The following NETO2 variants were observed in gnomAD, a reference collection of about 807,000 sequenced individuals.
NETO2 encodes the protein neuropilin and tolloid-like protein 2.
Under a neutral mutation model 62.5 loss-of-function variants are expected in NETO2, and 28 were observed. The ratio of observed to expected loss-of-function variants is 0.45; its 90% CI spans 0.33 to 0.61. The LOEUF (loss-of-function observed/expected upper bound fraction) is 0.61. Among genes scored for constraint, NETO2 ranks in the 20% least tolerant of loss-of-function variants. The pLI, the probability that NETO2 is intolerant of heterozygous loss-of-function variation, is 0.02. For missense variants in NETO2, 548 were observed against 643.2 expected (o/e 0.85, Z 1.60); for synonymous variants, 214 against 219.1 (o/e 0.98, Z 0.21).
intron 7 of NETO2, among the ~76,000 whole-genome samples, chr16:47,101,985 A>G (rs1456962373): frequency 6.6e-6 from 1 of 152,248 alleles, no homozygotes; most frequent in Non-Finnish European, 1.5e-5. Context: ...GACAATCCTA[A>G]GCAAAAAGAA....
intron 6 of NETO2, among the ~76,000 whole-genome samples, chr16:47,116,962 C>T (rs1963935851): frequency 6.6e-6 from 1 of 152,176 alleles, no homozygotes; most frequent in Non-Finnish European, 1.5e-5. Context: ...ATAGAATTCT[C>T]TCTTTCATTC....
At chr16:47,087,129 A>T (rs1963209096) in intron 7 of NETO2, among the ~76,000 whole-genome samples, 2 of 151,824 alleles carry the variant, frequency 1.3e-5, no homozygotes, top group African/African-American at 4.8e-5. Flanking sequence ...CCTGGGTTCA[A>T]GTGATTCTCC....
At chr16:47,123,573 T>G (rs7194502) in intron 4 of NETO2, among the ~76,000 whole-genome samples, 3,091 of 152,274 alleles carry the variant, frequency 0.02, 105 homozygotes, top group African/African-American at 0.07. Context: ...TTTTAGAAAT[T>G]ATAAACACAG....
intron 7 of NETO2, among the ~76,000 whole-genome samples, chr16:47,100,643 T>C (rs1051297483): frequency 1.3e-4 from 19 of 151,980 alleles, no homozygotes; most frequent in Non-Finnish European, 1.8e-4. Context: ...CCCACAGAAA[T>C]AGAAATTACC....
intron 6 of NETO2, among the ~76,000 whole-genome samples, chr16:47,118,125 G>GT (rs1963958793): frequency 6.6e-6 from 1 of 152,018 alleles, no homozygotes; most frequent in Admixed American, 6.6e-5. Context: ...GGAGAATGTC[G>GT]TTTTTTGTTA....
Position 47,079,893 on chromosome 16 carries a change from C to T in NETO2, c.*3328G>A, listed in dbSNP as rs1265264412. ...AATTATTCCTGAAATCACAACCAGG[C>T]TTCTCCCGTCCCCTCTCATCAGTGA... On this transcript the variant is annotated 3_prime_UTR_variant, in exon 9 of 9. Coordinates refer to ENST00000562435, the MANE Select transcript of NETO2 (RefSeq NM_018092.5). 2 of 152,198 alleles carry T rather than the reference C, an allele frequency of 1.3e-5. No individual in the cohort carries two copies. The highest frequency in any genetic ancestry group is 6.5e-5 in the Admixed American group (1 of 15,286). The allele number at this position is 152,198 out of a possible 1,614,324, so 9.4% of individuals were successfully genotyped here. A position where few individuals can be genotyped will look rare whatever the true frequency, so the allele number is the denominator to read the frequency against.
chr16:47,107,112 T>C (rs1425124067), intron 7 of NETO2, among the ~76,000 whole-genome samples: 1 of 152,036 alleles, frequency 6.6e-6, no homozygotes, highest in African/African-American at 2.4e-5. Context: ...AAACATAAAG[T>C]GTAAAAGAAT....
At chr16:47,125,566 A>T (rs1964140677) in intron 4 of NETO2, among the ~76,000 whole-genome samples, 1 of 152,142 alleles carries the variant, frequency 6.6e-6, no homozygotes, top group Non-Finnish European at 1.5e-5. Flanking sequence ...GGCTGATCTC[A>T]AACTCCTGAC....
intron 7 of NETO2, among the ~76,000 whole-genome samples, chr16:47,105,266 C>T (rs952567747): frequency 6.6e-6 from 1 of 152,054 alleles, no homozygotes; most frequent in Non-Finnish European, 1.5e-5. Context: ...AAAAATGATC[C>T]TGGGAAAGCT....
intron 6 of NETO2, among the ~76,000 whole-genome samples, chr16:47,115,732 C>CATATATATATATATAT (rs1390345855): frequency 0.056 from 7,477 of 133,850 alleles, 647 homozygotes; most frequent in African/African-American, 0.18. Context: ...TATATATATA[C>CATATATATATATATAT]ATGTATATAT....
chr16:47,115,350 C>G (rs1963889288), intron 6 of NETO2, among the ~76,000 whole-genome samples: 1 of 151,864 alleles, frequency 6.6e-6, no homozygotes, highest in Admixed American at 6.6e-5. Flanking sequence ...ACTACTGGGC[C>G]TATCAATACA....
intron 7 of NETO2, among the ~76,000 whole-genome samples, chr16:47,092,365 G>A (rs1041068911): frequency 2.6e-5 from 4 of 152,136 alleles, no homozygotes; most frequent in Non-Finnish European, 5.9e-5. Context: ...GGATGCTGTT[G>A]GAAGCCCCGA....
intron 7 of NETO2, among the ~76,000 whole-genome samples, chr16:47,108,742 C>T (rs917873783): frequency 6.6e-6 from 1 of 152,096 alleles, no homozygotes; most frequent in Admixed American, 6.6e-5. Context: ...CTAGAGATAC[C>T]GGACCGGTCT....
At chr16:47,094,241 G>T (rs1432838250) in intron 7 of NETO2, among the ~76,000 whole-genome samples, 1 of 147,794 alleles carries the variant, frequency 6.8e-6, no homozygotes, top group Non-Finnish European at 1.5e-5. Flanking sequence ...AAAAAATTAG[G>T]AAGTACTGAT....
chr16:47,099,699 C>A (rs750356820), intron 7 of NETO2, among the ~76,000 whole-genome samples: 1 of 151,700 alleles, frequency 6.6e-6, no homozygotes, highest in Non-Finnish European at 1.5e-5. Context: ...TAACAATGAT[C>A]AAAAAAGACA....
chr16:47,142,326 AC>A (rs1964476683), intron 1 of NETO2, among the ~76,000 whole-genome samples: 1 of 152,226 alleles, frequency 6.6e-6, no homozygotes, highest in Non-Finnish European at 1.5e-5. Flanking sequence ...AGCTGTAGAT[AC>A]GTTTACAGTG....
chr16:47,121,093 C>T (rs777448645), intron 6 of NETO2, among the ~76,000 whole-genome samples: 1 of 152,126 alleles, frequency 6.6e-6, no homozygotes, highest in African/African-American at 2.4e-5. Context: ...TCAGACACAT[C>T]TTTTAATAGC....
At chr16:47,136,928 A>G (rs2151494673) in intron 1 of NETO2, among the ~76,000 whole-genome samples, 1 of 152,334 alleles carries the variant, frequency 6.6e-6, no homozygotes, top group Admixed American at 6.5e-5. Flanking sequence ...ACATAAATAA[A>G]AACTAATAAT....
chr16:47,092,777 G>A (rs1450928806), intron 7 of NETO2, among the ~76,000 whole-genome samples: 1 of 152,184 alleles, frequency 6.6e-6, no homozygotes, highest in Admixed American at 6.5e-5. Flanking sequence ...CAGCAGCAAA[G>A]TTCACTCTCA....
Sources: allele counts gnomAD v4.1 joint callset (sites outside exome capture counted in the v4.1 genomes callset), GRCh38; gene constraint gnomAD v4.1.1; transcripts MANE v1.5; gene names NCBI Gene and HGNC (gene_info 2026-07-23, HGNC 2026-07-21).